The following RPAP1 variants were observed in gnomAD, a reference collection of about 807,000 sequenced individuals.
RPAP1 encodes the protein RNA polymerase II associated protein 1.
In RPAP1, 109 loss-of-function variants were observed where a neutral mutation model predicts 142.4. That is an observed-to-expected ratio of 0.77 (90% CI 0.66 to 0.90). The LOEUF (loss-of-function observed/expected upper bound fraction) is 0.90, where lower values mean the gene tolerates loss of function less well. Among genes scored for constraint, RPAP1 ranks in the 40% least tolerant of loss-of-function variants. RPAP1 has a pLI of 0.00. For synonymous variants in RPAP1, 704 were observed against 738.9 expected, an observed-to-expected ratio of 0.95 and a Z score of 0.77; for missense variants, 1,546 against 1,751.7, an observed-to-expected ratio of 0.88 and a Z score of 2.10.
intron 9 of RPAP1, among the ~76,000 whole-genome samples, chr15:41,528,897 G>A (rs2051821039): frequency 6.6e-6 from 1 of 152,184 alleles, no homozygotes; most frequent in African/African-American, 2.4e-5. Context: ...GCAGCCCCGA[G>A]AGACATGGAA....
At chr15:41,536,333 C>T (rs2051906982) in intron 3 of RPAP1, 115 bp from the exon 4 acceptor site, 1 of 1,306,794 alleles carries the variant, frequency 7.7e-7, no homozygotes, top group Non-Finnish European at 1.1e-6. Context: ...GGGTTACGGA[C>T]CCTCCTCCCT....
intron 21 of RPAP1, 63 bp downstream of exon 21, chr15:41,521,675 C>T (rs2051727307): frequency 6.3e-7 from 1 of 1,575,174 alleles, no homozygotes; most frequent in African/African-American, 1.4e-5. Flanking sequence ...TTCAGGGCTG[C>T]TCTGTTAACA....
At chr15:41,534,667 T>C (rs373769662) in intron 6 of RPAP1, 47 bp downstream of exon 6, 2 of 1,410,344 alleles carry the variant, frequency 1.4e-6, no homozygotes, top group Non-Finnish European at 2.0e-6. Context: ...CAATAAGTGG[T>C]ATTCCTCTCC....
intron 22 of RPAP1, among the ~76,000 whole-genome samples, chr15:41,518,877 A>C (rs933857551): frequency 4.6e-5 from 7 of 152,146 alleles, no homozygotes. Flanking sequence ...AAATCTTAAA[A>C]ACAAAAAACA....
chr15:41,521,060 C>G lies in RPAP1; in HGVS notation c.3126G>C (p.Gly1042=). Residue 1042 remains glycine (G), a synonymous_variant, in exon 22 of 25, where the codon GGG becomes GGC. Coordinates refer to ENST00000304330, the MANE Select transcript of RPAP1 (RefSeq NM_015540.4). The stretch of plus-strand genomic sequence containing the variant: ...CCTGGCAGGCCTGAGCCAGCAGAGT[C>G]CCTTGCCCACACCGAGGGACCCTGC... ...GSSRVPRCGQ[G]TLLAQACQDL... is the part of the protein sequence containing the mutation. The G allele has an allele frequency of 6.4e-7, 1 of 1,565,688 alleles. No homozygotes were observed. Among genetic ancestry groups the G allele is most frequent in the Middle Eastern group, 1.7e-4 (1 of 5,808 alleles).
At chr15:41,530,928 A>C in intron 7 of RPAP1, 95 bp downstream of exon 7, 1 of 1,234,830 alleles carries the variant, frequency 8.1e-7, no homozygotes, top group Middle Eastern at 2.0e-4. Flanking sequence ...CCAAAAGCAC[A>C]GAAGCTTCTC....
At position 41,527,546 on chromosome 15, in the gene RPAP1, G is replaced by A. The variant is rs766618620; in HGVS notation, c.1488C>T (p.Pro496=). 6.8e-6 allele frequency: 11 copies of A among 1,613,982 alleles called. No individual in the cohort carries two copies. In the South Asian group the frequency reaches 7.7e-5, roughly 11 times the overall value. Residue 496 remains proline, a synonymous_variant, in exon 12 of 25, where the codon CCC becomes CCT. Coordinates refer to ENST00000304330, the MANE Select transcript of RPAP1 (RefSeq NM_015540.4). Reference sequence around the variant, plus strand: ...CCTCATCCTCCTTGTCCTCCTGGCTGGGCATCAGAGGGAACGTCAAAGCTC... The same window carrying A: ...CCTCATCCTCCTTGTCCTCCTGGCTAGGCATCAGAGGGAACGTCAAAGCTC... ...YHGALTFPLM[P]SQEDKEDEDE...
Position 41,517,796 on chromosome 15 carries a change from A to G in RPAP1, c.4032+2T>C. 1 of 1,614,000 alleles carries G rather than the reference A, an allele frequency of 6.2e-7. No homozygotes were observed. Among genetic ancestry groups the G allele is most frequent in the African/African-American group, 1.3e-5 (1 of 74,980 alleles). ...CCACCCTCCTAATGGCCCTGACCCTACCTCATCTGCCAGCAGCCATGTTTT... is the reference window on the plus strand; with the variant it reads ...CCACCCTCCTAATGGCCCTGACCCTGCCTCATCTGCCAGCAGCCATGTTTT... On this transcript the variant is annotated splice_donor_variant, in intron 24 of 24. Transcript: ENST00000304330. LOFTEE classifies it high-confidence loss of function.
At chr15:41,531,610 T>C (rs1343254630) in intron 6 of RPAP1, among the ~76,000 whole-genome samples, 3 of 22,674 alleles carry the variant, frequency 1.3e-4, no homozygotes, top group Admixed American at 1.4e-3. Context: ...CATATATATA[T>C]ATATATATAT....
rs2051677937 is a variant in RPAP1 at position 41,517,588 on chromosome 15, T to C, written c.4136A>G (p.Gln1379Arg). ...TTGGAGCACTGTTGAAGTCAGTCTC[T>C]GGAGGTAGTGCTGACGCAGAGGGGG... Reference protein sequence around the residue: ...QLPPLRQHYLQRLTSTVLQNG... With the variant: ...QLPPLRQHYLRRLTSTVLQNG... Residue 1379 changes from glutamine (Q) to arginine (R), a missense_variant, in exon 25 of 25, where the codon CAG becomes CGG. By Grantham distance (43) the Gln-to-Arg change is conservative. This residue lies in a region of RPAP1 where 210 missense variants were observed against 248.0 expected (regional missense o/e 0.85). Coordinates refer to ENST00000304330, the MANE Select transcript of RPAP1 (RefSeq NM_015540.4). The C allele has an allele frequency of 1.2e-6, 2 of 1,605,024 alleles. No homozygotes were observed. The highest frequency in any genetic ancestry group is 1.7e-5 in the Admixed American group (1 of 58,378).
chr15:41,534,398 A>C (rs576771966), intron 6 of RPAP1, among the ~76,000 whole-genome samples: 1 of 151,528 alleles, frequency 6.6e-6, no homozygotes, highest in Admixed American at 6.6e-5. Flanking sequence ...AGCCTAGGCA[A>C]CAAGAGTGAA....
At chr15:41,530,714 G>A (rs1198809920) in intron 7 of RPAP1, among the ~76,000 whole-genome samples, 1 of 152,178 alleles carries the variant, frequency 6.6e-6, no homozygotes, top group Non-Finnish European at 1.5e-5. Flanking sequence ...AGCCAGAGCT[G>A]GGGCAGCTAC....
Position 41,537,044 on chromosome 15 carries a change from G to A in RPAP1, c.82C>T (p.Pro28Ser). 1.2e-6 allele frequency: 2 copies of A among 1,613,960 alleles called. No homozygotes were observed. The highest frequency in any genetic ancestry group is 1.7e-6 in the Non-Finnish European group (2 of 1,179,908). ...CCTTTCTTCACCAACTGCACTGCTG[G>A]GGCTGCACCAGCTGCGAGAAACTGA... ...QSQFLAAGAA[P>S]AVQLVKKGNR... Residue 28 changes from proline (P) to serine (S), a missense_variant, in exon 2 of 25, where the codon CCA becomes TCA. By Grantham distance (74) the Pro-to-Ser change is moderately conservative (BLOSUM62 -1). Around this residue, in one of 3 missense-constraint regions of RPAP1, gnomAD observed 1,333 missense variants for 1,486.6 expected, o/e 0.90. Transcript: ENST00000304330.
intron 6 of RPAP1, 142 bp from the exon 7 acceptor site, chr15:41,531,344 G>A (rs1177116661): frequency 3.7e-6 from 3 of 809,484 alleles, no homozygotes. Flanking sequence ...GAGCCTTCTG[G>A]GTGCTCCTGT....
chr15:41,527,446 G>C lies in RPAP1; in HGVS notation c.1588C>G (p.Leu530Val). ...PEEESRPPPD[L>V]ARHDVIKGLL... Reference sequence around the variant, plus strand: ...ACCTTGATGACATCATGTCGGGCCAGGTCAGGTGGAGGCCGGCTTTCTTCT... The same window carrying C: ...ACCTTGATGACATCATGTCGGGCCACGTCAGGTGGAGGCCGGCTTTCTTCT... The change falls in exon 12 of 25, where the codon CTG becomes GTG. Residue 530 changes from leucine to valine, a missense_variant. Transcript: ENST00000304330. The C allele has an allele frequency of 6.2e-7, 1 of 1,614,254 alleles. No individual in the cohort carries two copies. Among genetic ancestry groups the C allele is most frequent in the African/African-American group, 1.3e-5 (1 of 75,074 alleles).
chr15:41,534,635 G>A lies in RPAP1; in HGVS notation c.763+79C>T, dbSNP rs75817476. On this transcript the variant is annotated intron_variant, in intron 6 of 24. Transcript: ENST00000304330. ...CATTAAAGTACTCAGCACAGTGCCC[G>A]GAACTCACAGTAAGCCTAGCTCAAT... 1,285 of 756,880 alleles carry A rather than the reference G, an allele frequency of 1.7e-3. 8 individuals carry two copies. In the African/African-American group the frequency reaches 0.019, roughly 11 times the overall value. 46.9% of individuals were successfully genotyped at this position (756,880 alleles called of 1,614,324 possible). A position where few individuals can be genotyped will look rare whatever the true frequency, so the allele number is the denominator to read the frequency against.
rs776138350 is a variant in RPAP1, at chr15:41,520,832, C to G, written c.3354G>C (p.Ser1118=). 2 of 1,613,808 alleles carry G rather than the reference C, an allele frequency of 1.2e-6. No homozygotes were observed. Among genetic ancestry groups the G allele is most frequent in the African/African-American group, 1.3e-5 (1 of 75,054 alleles). Residue 1118 remains serine, a synonymous_variant, in exon 22 of 25, where the codon TCG becomes TCC. Transcript: ENST00000304330. The part of the protein sequence containing the change: ...RLYHRASDTP[S]GLSPTDTMGT... ...CCATGGTGTCTGTGGGAGAGAGTCCCGAGGGGGTGTCTGAAGCCCGGTGGT... is the reference window on the plus strand; with the variant it reads ...CCATGGTGTCTGTGGGAGAGAGTCCGGAGGGGGTGTCTGAAGCCCGGTGGT...
chr15:41,526,780 G>C (rs1236104253), intron 14 of RPAP1, 118 bp downstream of exon 14: 2 of 1,030,674 alleles, frequency 1.9e-6, no homozygotes, highest in East Asian at 2.4e-5. Flanking sequence ...CTAAGCAACT[G>C]GATCAGAGAG....
Position 41,522,783 on chromosome 15 carries a change from GTGGATC to G in RPAP1, c.2718_2723del (p.Gln906_Ile907del). The stretch of plus-strand genomic sequence containing the variant: ...CACTTACCTGGCCACACAGCCCCTT[GTGGATC>G]TGGGCCAGGGTATTAAGAAGAGAGA... On this transcript the variant is annotated inframe_deletion, in exon 19 of 25. Transcript: ENST00000304330. The G allele has an allele frequency of 6.4e-7, 1 of 1,564,856 alleles. No individual in the cohort carries two copies. Among genetic ancestry groups the G allele is most frequent in the Non-Finnish European group, 8.6e-7 (1 of 1,164,380 alleles).
Sources: gnomAD v4.1 joint callset for allele counts (sites outside exome capture counted in the v4.1 genomes callset) on GRCh38, gnomAD v4.1.1 for gene constraint, gnomAD v4.1.1 regional missense constraint, MANE v1.5 for transcripts, NCBI Gene and HGNC (gene_info 2026-07-23, HGNC 2026-07-21) for gene names.